Variants in UQCC1 observed in about 807,000 individuals in gnomAD.
The protein encoded by UQCC1 is ubiquinol-cytochrome c reductase complex assembly factor 1.
In UQCC1, 38 loss-of-function variants were observed where a neutral mutation model predicts 48.0. The observed-to-expected ratio is 0.79, with a 90% CI of 0.61 to 1.04. UQCC1 has a LOEUF of 1.04. UQCC1 is among the 50% of genes least tolerant of loss of function. The probability of loss-of-function intolerance (pLI) is 0.00; values close to 1 mark genes in which losing one functional copy is unlikely to be tolerated. For synonymous variants in UQCC1, 111 were observed against 129.2 expected, an observed-to-expected ratio of 0.86 and a Z score of 0.95; for missense variants, 368 against 381.8, an observed-to-expected ratio of 0.96 and a Z score of 0.30.
intron 7 of UQCC1, among the ~76,000 whole-genome samples, chr20:35,341,046 T>C (rs1362169659): frequency 6.6e-6 from 1 of 151,620 alleles, no homozygotes; most frequent in Non-Finnish European, 1.5e-5. Context: ...CGGGCTAACA[T>C]GGTGAAACCC....
At chr20:35,316,726 C>T (rs1178628989) in intron 7 of UQCC1, among the ~76,000 whole-genome samples, 1 of 152,108 alleles carries the variant, frequency 6.6e-6, no homozygotes, top group Non-Finnish European at 1.5e-5. Flanking sequence ...GCAACCTCCG[C>T]CTCCCGGGTT....
chr20:35,400,652 C>T (rs1443527877), intron 1 of UQCC1, among the ~76,000 whole-genome samples: 7 of 151,888 alleles, frequency 4.6e-5, no homozygotes, highest in Non-Finnish European at 8.8e-5. Context: ...CCCGCCACCT[C>T]GCCTGGCTAA....
intron 1 of UQCC1, among the ~76,000 whole-genome samples, chr20:35,409,115 G>C (rs986496704): frequency 1.3e-5 from 2 of 152,154 alleles, no homozygotes; most frequent in Admixed American, 6.6e-5. Context: ...GTGGATAAGG[G>C]TGGTAAAGAT....
intron 7 of UQCC1, among the ~76,000 whole-genome samples, chr20:35,332,314 C>T (rs546787734): frequency 1.3e-5 from 2 of 152,242 alleles, no homozygotes; most frequent in Non-Finnish European, 2.9e-5. Flanking sequence ...ACAGAGCTCT[C>T]TCTGGGTAAA....
At chr20:35,304,965 G>A (rs1036682578) in intron 9 of UQCC1, among the ~76,000 whole-genome samples, 3 of 152,138 alleles carry the variant, frequency 2.0e-5, no homozygotes, top group African/African-American at 7.2e-5. Flanking sequence ...TGCCCCCAGT[G>A]CCACCCCTCT....
At chr20:35,350,567 T>G (rs1011805630) in intron 6 of UQCC1, among the ~76,000 whole-genome samples, 4 of 150,614 alleles carry the variant, frequency 2.7e-5, no homozygotes, top group African/African-American at 9.8e-5. Context: ...TGTGGTGGTG[T>G]GCGCTTGTAA....
chr20:35,410,577 T>G (rs1269481004), intron 1 of UQCC1, among the ~76,000 whole-genome samples: 7 of 147,284 alleles, frequency 4.8e-5, no homozygotes, highest in African/African-American at 1.7e-4. Flanking sequence ...GTGTGGTGCA[T>G]GCCTGTCATC....
intron 6 of UQCC1, among the ~76,000 whole-genome samples, chr20:35,359,064 C>T (rs1167585311): frequency 3.3e-5 from 5 of 151,862 alleles, no homozygotes; most frequent in African/African-American, 7.3e-5. Flanking sequence ...AGCATGGAGA[C>T]GGGACAAAGG....
At position 35,302,854 on chromosome 20, in the gene UQCC1, A is replaced by G. The variant is rs1017761375; in HGVS notation, c.*1081T>C. On this transcript the variant is annotated 3_prime_UTR_variant, in exon 10 of 10. Transcript: ENST00000374385. ...TACCTCACCCATATAGAGTTTCTTT[A>G]TATGACTCATTTTATAGCAAGTTAA... 2.0e-5 allele frequency: 3 copies of G among 152,250 alleles called. No individual in the cohort carries two copies. The highest frequency in any genetic ancestry group is 4.4e-5 in the Non-Finnish European group (3 of 68,040). 9.4% of individuals were successfully genotyped at this position (152,250 alleles called of 1,614,324 possible). A position where few individuals can be genotyped will look rare whatever the true frequency, so the allele number is the denominator to read the frequency against.
chr20:35,337,274 C>T (rs1371786600), intron 7 of UQCC1, among the ~76,000 whole-genome samples: 1 of 151,984 alleles, frequency 6.6e-6, no homozygotes, highest in South Asian at 2.1e-4. Flanking sequence ...CTGCAACCTC[C>T]ACCTCCCAGG....
intron 3 of UQCC1, among the ~76,000 whole-genome samples, chr20:35,382,248 A>T (rs917707185): frequency 1.3e-5 from 2 of 151,418 alleles, no homozygotes; most frequent in Non-Finnish European, 2.9e-5. Flanking sequence ...CTGGGATTAC[A>T]GGTGCACGCC....
intron 1 of UQCC1, among the ~76,000 whole-genome samples, chr20:35,409,769 G>GA (rs1025243785): frequency 1.2e-4 from 18 of 151,064 alleles, no homozygotes; most frequent in African/African-American, 4.4e-4. Flanking sequence ...ACAAAAAGAG[G>GA]AAAAAATAAA....
intron 1 of UQCC1, among the ~76,000 whole-genome samples, chr20:35,399,079 G>A (rs1431627685): frequency 6.6e-6 from 1 of 152,078 alleles, no homozygotes; most frequent in African/African-American, 2.4e-5. Context: ...TCAACAATCT[G>A]GGCCTCCATT....
chr20:35,305,820 G>A (rs1376333521), intron 9 of UQCC1, among the ~76,000 whole-genome samples: 3 of 152,170 alleles, frequency 2.0e-5, no homozygotes, highest in Non-Finnish European at 4.4e-5. Context: ...CAGCTCCAGG[G>A]GCCAGGCCAT....
chr20:35,383,695 T>A (rs2061903387), intron 3 of UQCC1, among the ~76,000 whole-genome samples: 1 of 151,882 alleles, frequency 6.6e-6, no homozygotes, highest in Non-Finnish European at 1.5e-5. Context: ...TACAAAAATT[T>A]AAAAATTGGC....
chr20:35,394,233 A>G (rs758172738), intron 1 of UQCC1, 37 bp from the exon 2 acceptor site: 3 of 1,545,850 alleles, frequency 1.9e-6, no homozygotes, highest in Non-Finnish European at 2.7e-6. Flanking sequence ...AGGAATCTAA[A>G]TCATACTCCC....
intron 2 of UQCC1, among the ~76,000 whole-genome samples, chr20:35,390,626 A>G (rs1271292810): frequency 6.6e-6 from 1 of 152,160 alleles, no homozygotes; most frequent in Non-Finnish European, 1.5e-5. Flanking sequence ...CATTAAAAAA[A>G]ACCACCAATG....
chr20:35,353,295 G>A (rs145154151), intron 6 of UQCC1, among the ~76,000 whole-genome samples: 209 of 151,826 alleles, frequency 1.4e-3, no homozygotes, highest in African/African-American at 5.0e-3. Flanking sequence ...TACTCAGGAG[G>A]CTGAGGCAGG....
chr20:35,368,364 T>G (rs184095134), intron 5 of UQCC1, among the ~76,000 whole-genome samples: 1 of 152,188 alleles, frequency 6.6e-6, no homozygotes, highest in African/African-American at 2.4e-5. Flanking sequence ...GAGGTAGGCA[T>G]TGATATTATC....
Sources: allele counts gnomAD v4.1 joint callset (sites outside exome capture counted in the v4.1 genomes callset), GRCh38; gene constraint gnomAD v4.1.1; transcripts MANE v1.5; gene names NCBI Gene and HGNC (gene_info 2026-07-23, HGNC 2026-07-21).